NCOR1: variants seen among roughly 807,000 people sequenced by gnomAD.
The protein encoded by NCOR1 is nuclear receptor corepressor 1.
A neutral mutation model predicts 288.1 loss-of-function variants in NCOR1; 63 were observed. That is an observed-to-expected ratio of 0.22 (90% CI 0.18 to 0.27). The LOEUF (loss-of-function observed/expected upper bound fraction) is 0.27, where lower values mean the gene tolerates loss of function less well. NCOR1 is among the 10% of genes least tolerant of loss of function. NCOR1 has a pLI of 1.00. For synonymous variants in NCOR1, 1,007 were observed against 1,065.9 expected (o/e 0.94, Z 1.08); for missense variants, 2,397 against 3,019.2 (o/e 0.79, Z 4.83).
intron 14 of NCOR1, among the ~76,000 whole-genome samples, chr17:16,130,165 G>A (rs1478353046): frequency 6.6e-6 from 1 of 152,216 alleles, no homozygotes; most frequent in African/African-American, 2.4e-5. Flanking sequence ...GAGCGGAGAG[G>A]AAGTGCAGTC....
At chr17:16,209,062 AAAAAATTTTTT>A (rs2091869313) in intron 1 of NCOR1, among the ~76,000 whole-genome samples, 1 of 152,170 alleles carries the variant, frequency 6.6e-6, no homozygotes. Context: ...GGAAAAGAAG[AAAAAATTTTTT>A]AAAAACTCAG....
intron 31 of NCOR1, 188 bp from the exon 32 acceptor site, chr17:16,068,309 G>C (rs2061358675): frequency 3.4e-6 from 2 of 580,396 alleles, no homozygotes; most frequent in Non-Finnish European, 6.0e-6. Context: ...TAAACAACTA[G>C]TAGAAACTGA....
At position 16,080,521 on chromosome 17, in the gene NCOR1, C is replaced by A. The variant is rs767962949; in HGVS notation, c.3299-12G>T. 1.9e-6 allele frequency: 3 copies of A among 1,613,678 alleles called. No individual in the cohort carries two copies. The highest frequency in any genetic ancestry group is 2.5e-6 in the Non-Finnish European group (3 of 1,179,882). On this transcript the variant is annotated splice_polypyrimidine_tract_variant and intron_variant, in intron 24 of 45. Coordinates refer to ENST00000268712, the MANE Select transcript of NCOR1 (RefSeq NM_006311.4). ...GTAGGGCAAAGTAGCTGTGGAAAGG[C>A]AGAGAAACATGAAACAATCCAGTAC... is the stretch of plus-strand genomic sequence containing the variant.
In NCOR1 at chr17:16,061,283, A is replaced by G. The variant is rs147706663; in HGVS notation, c.5881+118T>C. ...AAAACAGCAGAAGATACATTTTTGC[A>G]TTACATTTACTATCAACCGTTAGGA... On this transcript the variant is annotated intron_variant, in intron 37 of 45. Transcript: ENST00000268712. The G allele has an allele frequency of 3.2e-5, 41 of 1,273,924 alleles. 2 individuals carry two copies. In the African/African-American group the frequency reaches 5.8e-4, roughly 18 times the overall value. 78.9% of individuals were successfully genotyped at this position (1,273,924 alleles called of 1,614,324 possible).
In NCOR1 at chr17:16,082,121, T is replaced by C. The variant is rs140460895; in HGVS notation, c.3178-1394A>G. On this transcript the variant is annotated intron_variant, in intron 23 of 45. Transcript: ENST00000268712. Reference sequence around the variant, plus strand: ...TTCAGTGGCTACACACAACAAATAATACAGACTTTACAGAATTAGTTAAGA... The same window carrying C: ...TTCAGTGGCTACACACAACAAATAACACAGACTTTACAGAATTAGTTAAGA... Among the ~76,000 whole-genome samples the C allele has an allele frequency of 6.6e-3, 1,001 of 151,692 alleles. 12 individuals are homozygous for C. Among genetic ancestry groups the C allele is most frequent in the African/African-American group, 0.023 (960 of 41,322 alleles).
intron 8 of NCOR1, chr17:16,151,684 T>C (rs938445844): frequency 2.3e-6 from 3 of 1,303,268 alleles, no homozygotes; most frequent in Non-Finnish European, 2.1e-6. Context: ...ATGTTAAGTA[T>C]CCACCTTTTT....
At chr17:16,118,148 A>G (rs542676589) in intron 17 of NCOR1, 121 bp from the exon 18 acceptor site, 2 of 924,090 alleles carry the variant, frequency 2.2e-6, no homozygotes, top group Non-Finnish European at 3.2e-6. Flanking sequence ...TGTGCTTTCA[A>G]TTACTTATCA....
At chr17:16,074,908 C>G (rs1393416295) in intron 27 of NCOR1, among the ~76,000 whole-genome samples, 47 of 152,172 alleles carry the variant, frequency 3.1e-4, no homozygotes, top group Admixed American at 3.1e-3. Flanking sequence ...CGCTCTGTCG[C>G]CCAGGCTGGA....
At chr17:16,049,044 C>T (rs946029706) in intron 40 of NCOR1, 56 bp from the exon 41 acceptor site, 37 of 1,469,088 alleles carry the variant, frequency 2.5e-5, no homozygotes, top group Non-Finnish European at 3.4e-5. Flanking sequence ...TGGGACTTAC[C>T]TAAACAGAAA....
chr17:16,073,848 T>C (rs191262092), intron 27 of NCOR1, among the ~76,000 whole-genome samples: 483 of 152,290 alleles, frequency 3.2e-3, no homozygotes, highest in Non-Finnish European at 6.0e-3. Flanking sequence ...AGGTACAGAT[T>C]ATGTAGTAAA....
chr17:16,117,998 C>T lies in NCOR1; in HGVS notation c.1945G>A (p.Ala649Thr). The stretch of plus-strand genomic sequence containing the variant: ...TTCGTTCCCACCATTTTAGCAATTG[C>T]TGCCCAGTTACGACCATGTTCTACT... ...GLVEHGRNWA[A>T]IAKMVGTKSE... Residue 649 changes from alanine to threonine, a missense_variant, in exon 18 of 46, where the codon GCA (alanine) becomes ACA (threonine). Ala to Thr is a moderately conservative substitution (Grantham distance 58). This residue lies in a region of NCOR1 where 24 missense variants were observed against 84.3 expected (regional missense o/e 0.28). Transcript: ENST00000268712. 1.2e-6 allele frequency: 2 copies of T among 1,613,996 alleles called. No homozygotes were observed. Among genetic ancestry groups the T allele is most frequent in the Non-Finnish European group, 1.7e-6 (2 of 1,179,954 alleles).
At chr17:16,051,523 A>C (rs2059309170) in intron 40 of NCOR1, among the ~76,000 whole-genome samples, 1 of 152,218 alleles carries the variant, frequency 6.6e-6, no homozygotes, top group Non-Finnish European at 1.5e-5. Context: ...TATAGCACTA[A>C]ATATCCACAT....
intron 21 of NCOR1, among the ~76,000 whole-genome samples, chr17:16,094,306 C>A (rs1252788298): frequency 6.6e-6 from 1 of 152,178 alleles, no homozygotes; most frequent in African/African-American, 2.4e-5. Context: ...TTAAACTAAT[C>A]ACTCAATAAA....
chr17:16,057,479 G>A (rs1436072308), intron 40 of NCOR1, 35 bp downstream of exon 40: 17 of 1,582,856 alleles, frequency 1.1e-5, no homozygotes, highest in Non-Finnish European at 1.4e-5. Flanking sequence ...TTTACTGTTG[G>A]GCAATTTATA....
At chr17:16,032,889 T>A (rs1195038449) in intron 45 of NCOR1, among the ~76,000 whole-genome samples, 1 of 152,198 alleles carries the variant, frequency 6.6e-6, no homozygotes, top group Non-Finnish European at 1.5e-5. Context: ...CCCAGGAACG[T>A]CTGCAGACTG....
intron 10 of NCOR1, among the ~76,000 whole-genome samples, chr17:16,145,496 C>G (rs1276310656): frequency 6.8e-6 from 1 of 147,748 alleles, no homozygotes; most frequent in Non-Finnish European, 1.5e-5. Flanking sequence ...TGAGGAGCGC[C>G]TCTGCCCGGC....
At chr17:16,125,234 G>A (rs1304295079) in intron 15 of NCOR1, among the ~76,000 whole-genome samples, 1 of 151,812 alleles carries the variant, frequency 6.6e-6, no homozygotes, top group Non-Finnish European at 1.5e-5. Context: ...GTGGTGACGC[G>A]TGCCTGTAAT....
In NCOR1 at chr17:16,032,244, AC is replaced by A. The variant is rs1031683100; in HGVS notation, c.*51del. The A allele has an allele frequency of 1.1e-5, 16 of 1,492,940 alleles. No individual in the cohort carries two copies. In the African/African-American group the frequency reaches 2.3e-4, roughly 22 times the overall value. The allele number at this position is 1,492,940 out of a possible 1,614,324, so 92.5% of individuals were successfully genotyped here. ...TTGACCTGCTACTAAAAATTAAACC[AC>A]AAAAACTAGAGATCCCTCTCCTGCA... On this transcript the variant is annotated 3_prime_UTR_variant, in exon 46 of 46. Transcript: ENST00000268712.
At chr17:16,046,808 TGA>T in intron 42 of NCOR1, 141 bp downstream of exon 42, 1 of 960,980 alleles carries the variant, frequency 1.0e-6, no homozygotes, top group Non-Finnish European at 1.5e-6. Context: ...GGCAGACACT[TGA>T]GAAGGAACTC....
Sources: allele counts gnomAD v4.1 joint callset (sites outside exome capture counted in the v4.1 genomes callset), GRCh38; gene constraint gnomAD v4.1.1; regional missense constraint gnomAD v4.1.1; transcripts MANE v1.5; gene names NCBI Gene and HGNC (gene_info 2026-07-23, HGNC 2026-07-21).